ZDHHC11: variants seen among roughly 807,000 people sequenced by gnomAD.
ZDHHC11 encodes palmitoyltransferase ZDHHC11.
ZDHHC11 carries 44 observed loss-of-function variants against 51.3 expected under a neutral mutation model. That is an observed-to-expected ratio of 0.86 (90% CI 0.67 to 1.10). The LOEUF (loss-of-function observed/expected upper bound fraction) is 1.10, where lower values mean the gene tolerates loss of function less well. Ranked by LOEUF, ZDHHC11 falls within the 50% of genes least tolerant of loss-of-function variation. The probability of loss-of-function intolerance (pLI) is 0.00; values close to 1 mark genes in which losing one functional copy is unlikely to be tolerated. For missense variants in ZDHHC11, 400 were observed against 537.7 expected (o/e 0.74, Z 2.53); for synonymous variants, 163 against 222.0 (o/e 0.73, Z 2.36).
At chr5:799,754 C>T (rs929635248) in intron 12 of ZDHHC11, among the ~76,000 whole-genome samples, 6 of 151,678 alleles carry the variant, frequency 4.0e-5, no homozygotes, top group African/African-American at 7.3e-5. Context: ...AGTTTGTCCT[C>T]CATACCACTG....
Position 801,094 on chromosome 5 carries a change from T to C in ZDHHC11, c.*7+6A>G. 9 of 1,609,842 alleles carry C rather than the reference T, an allele frequency of 5.6e-6. 1 individual carries two copies. Among genetic ancestry groups the C allele is most frequent in the Non-Finnish European group, 7.6e-6 (9 of 1,176,804 alleles). On this transcript the variant is annotated splice_donor_region_variant and intron_variant, in intron 12 of 12. Transcript: ENST00000283441. ...TCAACATGACCCGCACTGCCACGTA[T>C]CTTACCTGAATCTCAGTCTTCACTT...
At position 840,180 on chromosome 5, in the gene ZDHHC11, C is replaced by T. The variant is rs1318696021; in HGVS notation, c.784+315G>A. 42 of 670,024 alleles carry T rather than the reference C, an allele frequency of 6.3e-5. No homozygotes were observed. The Middle Eastern group carries it at 1.2e-3, about 19-fold the overall frequency. 41.5% of individuals were successfully genotyped at this position (670,024 alleles called of 1,614,324 possible). A position where few individuals can be genotyped will look rare whatever the true frequency, so the allele number is the denominator to read the frequency against. On this transcript the variant is annotated intron_variant, in intron 5 of 12. Coordinates refer to ENST00000283441, the MANE Select transcript of ZDHHC11 (RefSeq NM_024786.3). ...TGTTCTTGCCTAATAGATTCCATTC[C>T]ATTGTCTCTGAACATTTTAAACTTG...
intron 10 of ZDHHC11, among the ~76,000 whole-genome samples, chr5:819,162 T>A (rs1376557300): frequency 7.3e-5 from 11 of 151,610 alleles, no homozygotes; most frequent in African/African-American, 2.2e-4. Flanking sequence ...ACACAGCTTC[T>A]GCCATGGCTA....
rs867438354 is a variant in ZDHHC11, at chr5:815,364, T to C, written c.1147-569A>G. ...CTCTAGCAAAGAAAAACACCTGCTA[T>C]GTGTGCACACACGTTGTTCTCAGTG... On this transcript the variant is annotated intron_variant, in intron 10 of 12. Transcript: ENST00000283441. 3.6e-4 allele frequency among the ~76,000 whole-genome samples: 53 copies of C among 146,056 alleles called. 1 individual carries two copies. The South Asian group carries it at 0.011, about 30-fold the overall frequency.
At chr5:857,186 C>T (rs1056112436) in intron 1 of ZDHHC11, among the ~76,000 whole-genome samples, 1 of 152,174 alleles carries the variant, frequency 6.6e-6, no homozygotes. Context: ...GCTGGATGGG[C>T]CCCCCTGTGT....
At chr5:858,134 C>T (rs1439897117) in intron 1 of ZDHHC11, among the ~76,000 whole-genome samples, 2 of 143,802 alleles carry the variant, frequency 1.4e-5, no homozygotes, top group Admixed American at 6.8e-5. Flanking sequence ...CTTTATGACA[C>T]CGTGGTCCCC....
chr5:854,930 G>T (rs1466252947), upstream of ZDHHC11, among the ~76,000 whole-genome samples: 1 of 149,338 alleles, frequency 6.7e-6, no homozygotes, highest in Non-Finnish European at 1.5e-5. Context: ...TGAGCAGTGG[G>T]GATAGACCCC....
intron 1 of ZDHHC11, among the ~76,000 whole-genome samples, chr5:856,895 C>T (rs2150521645): frequency 6.7e-6 from 1 of 150,232 alleles, no homozygotes; most frequent in East Asian, 2.0e-4. Flanking sequence ...ACCACACATA[C>T]ACCAAACCAC....
intron 9 of ZDHHC11, chr5:821,144 C>T (rs2150334710): frequency 6.6e-6 from 1 of 151,648 alleles, no homozygotes; most frequent in South Asian, 2.1e-4. Flanking sequence ...CGTCTTTACC[C>T]TCCTCCAGCC....
chr5:841,877 T>C lies in ZDHHC11; in HGVS notation c.629-1227A>G, dbSNP rs938941454. 7.1e-6 allele frequency: 7 copies of C among 988,602 alleles called. No individual in the cohort carries two copies. In the African/African-American group the frequency reaches 8.7e-5, roughly 12 times the overall value. 61.2% of individuals were successfully genotyped at this position (988,602 alleles called of 1,614,324 possible). On this transcript the variant is annotated intron_variant, in intron 4 of 12. Transcript: ENST00000283441. ...TTGGGTGACTCAGCATGGATGTCTT[T>C]CGGTGACAGACCCTCTCTGGAACTG...
intron 10 of ZDHHC11, 83 bp downstream of exon 10, chr5:819,442 T>C: frequency 7.5e-6 from 11 of 1,466,628 alleles, no homozygotes; most frequent in Middle Eastern, 1.7e-4. Flanking sequence ...GAATACTACC[T>C]TAACCTCAGC....
upstream of ZDHHC11, among the ~76,000 whole-genome samples, chr5:853,609 G>A (rs1420592649): frequency 6.7e-6 from 1 of 148,570 alleles, no homozygotes; most frequent in African/African-American, 2.5e-5. Flanking sequence ...AGCAAGCCAC[G>A]GGGACAGACC....
chr5:819,723 G>C, intron 9 of ZDHHC11, 111 bp from the exon 10 acceptor site: 1 of 1,157,338 alleles, frequency 8.6e-7, no homozygotes, highest in Non-Finnish European at 1.3e-6. Context: ...GGGCCCATGT[G>C]TCTCAGAAAC....
chr5:824,004 G>A (rs573569466), intron 8 of ZDHHC11: 10 of 451,684 alleles, frequency 2.2e-5, no homozygotes, highest in East Asian at 7.0e-5. Context: ...CACCAGCGTC[G>A]CTGTTCCTCC....
rs760431277 is a variant in ZDHHC11 at position 840,494 on chromosome 5, C to A, written c.784+1G>T. 9.9e-6 allele frequency: 16 copies of A among 1,613,444 alleles called. No homozygotes were observed. The East Asian group carries it at 3.1e-4, about 31-fold the overall frequency. ...TCGGGGGCTTAGGGTGGGGGACATACTCAGGTAGATGTGGAAGATGAGCAG... is the reference window on the plus strand; with the variant it reads ...TCGGGGGCTTAGGGTGGGGGACATAATCAGGTAGATGTGGAAGATGAGCAG... On this transcript the variant is annotated splice_donor_variant, in intron 5 of 12. Coordinates refer to ENST00000283441, the MANE Select transcript of ZDHHC11 (RefSeq NM_024786.3). LOFTEE classifies it high-confidence loss of function.
chr5:853,425 C>A (rs1747613585), upstream of ZDHHC11, among the ~76,000 whole-genome samples: 2 of 147,828 alleles, frequency 1.4e-5, no homozygotes, highest in African/African-American at 5.0e-5. Context: ...CGGGGACAGA[C>A]CCCACAGAGG....
At position 857,055 on chromosome 5, in the gene ZDHHC11, T is replaced by A. The variant is rs369336829; in HGVS notation, c.-1+1819A>T. Among the ~76,000 whole-genome samples, 66 of 148,686 alleles carry A rather than the reference T, an allele frequency of 4.4e-4. No homozygotes were observed. In the South Asian group the frequency reaches 0.014, roughly 31 times the overall value. ...CACACACAACACACAATGCTCACAC[T>A]CCCACACACACCACACAATGCACAC... On this transcript the variant is annotated intron_variant, in intron 1 of 3. Transcript: ENST00000685990.
chr5:810,733 T>G (rs1739985127), intron 11 of ZDHHC11, among the ~76,000 whole-genome samples: 1 of 151,424 alleles, frequency 6.6e-6, no homozygotes, highest in Non-Finnish European at 1.5e-5. Flanking sequence ...ACTTATCGCC[T>G]GTTGCATCTA....
At chr5:799,241 G>A (rs1160760074) in intron 12 of ZDHHC11, among the ~76,000 whole-genome samples, 1 of 151,324 alleles carries the variant, frequency 6.6e-6, no homozygotes, top group African/African-American at 2.4e-5. Flanking sequence ...TTGTCGAAAA[G>A]GGCCTGGAGC....
Sources: allele counts gnomAD v4.1 joint callset (sites outside exome capture counted in the v4.1 genomes callset), GRCh38; gene constraint gnomAD v4.1.1; transcripts MANE v1.5; gene names NCBI Gene and HGNC (gene_info 2026-07-23, HGNC 2026-07-21).